Variants in SNAP25 observed in about 807,000 individuals in gnomAD.
SNAP25 encodes synaptosomal-associated protein 25.
SNAP25 carries 3 observed loss-of-function variants against 28.7 expected under a neutral mutation model. That is an observed-to-expected ratio of 0.10 (90% confidence interval 0.05 to 0.27). The LOEUF is 0.27. SNAP25 is among the 10% of genes least tolerant of loss of function. The pLI is 1.00. For missense variants in SNAP25, 117 were observed against 278.7 expected (o/e 0.42, Z 4.13); for synonymous variants, 61 against 88.1 (o/e 0.69, Z 1.72).
chr20:10,265,203 C>A (rs1376462375), intron 1 of SNAP25, among the ~76,000 whole-genome samples: 1 of 152,024 alleles, frequency 6.6e-6, no homozygotes, highest in East Asian at 1.9e-4. Context: ...CAGGAATATT[C>A]AAAAATACAA....
intron 1 of SNAP25, among the ~76,000 whole-genome samples, chr20:10,221,475 G>A (rs988423802): frequency 1.3e-5 from 2 of 152,088 alleles, no homozygotes; most frequent in African/African-American, 4.8e-5. Context: ...AAAATCCAGG[G>A]CAATGCGGTG....
At chr20:10,228,011 T>G (rs879467247) in intron 1 of SNAP25, among the ~76,000 whole-genome samples, 7 of 152,094 alleles carry the variant, frequency 4.6e-5, no homozygotes, top group Admixed American at 4.6e-4. Context: ...TCTCAAATAG[T>G]CAGTGTCCTC....
At chr20:10,255,191 A>G (rs1054356953) in intron 1 of SNAP25, among the ~76,000 whole-genome samples, 7 of 152,370 alleles carry the variant, frequency 4.6e-5, no homozygotes, top group South Asian at 2.1e-4. Flanking sequence ...CGGTTGTGAC[A>G]GCCAACCTGC....
chr20:10,220,450 T>C (rs2062608453), intron 1 of SNAP25, among the ~76,000 whole-genome samples: 1 of 152,228 alleles, frequency 6.6e-6, no homozygotes, highest in African/African-American at 2.4e-5. Flanking sequence ...TCCAAGTGTG[T>C]CCTTCAGGGT....
intron 1 of SNAP25, among the ~76,000 whole-genome samples, chr20:10,261,420 G>A (rs920694185): frequency 3.9e-5 from 6 of 152,104 alleles, no homozygotes; most frequent in Non-Finnish European, 7.3e-5. Context: ...CCTTGCCTAC[G>A]TTTGCACCCT....
Position 10,271,892 on chromosome 20 carries a change from T to C in SNAP25, c.-63-3537T>C, listed in dbSNP as rs893310567. Reference sequence around the variant, plus strand: ...TGAAAAGGAAAGGTCAATGGCTTGCTTAGGCCGAAGATACACATTTCCCCC... The same window carrying C: ...TGAAAAGGAAAGGTCAATGGCTTGCCTAGGCCGAAGATACACATTTCCCCC... On this transcript the variant is annotated intron_variant, in intron 1 of 7. Coordinates refer to ENST00000254976, the MANE Select transcript of SNAP25 (RefSeq NM_130811.4). Among the ~76,000 whole-genome samples the C allele has an allele frequency of 3.9e-5, 6 of 152,334 alleles. 1 individual carries two copies. The highest frequency in any genetic ancestry group is 3.3e-4 in the Admixed American group (5 of 15,302).
In SNAP25 at chr20:10,260,136, G is replaced by A. The variant is rs187991928; in HGVS notation, c.-63-15293G>A. 3.9e-3 allele frequency among the ~76,000 whole-genome samples: 592 copies of A among 152,156 alleles called. 5 individuals are homozygous for A. The highest frequency in any genetic ancestry group is 0.014 in the African/African-American group (566 of 41,516). ...ATGGTTTTATTCCTTAGAGTCTGTT[G>A]CAAATTTTCCTCTGCCAATTTGGTA... On this transcript the variant is annotated intron_variant, in intron 1 of 7. Transcript: ENST00000254976.
At chr20:10,237,820 G>A (rs1398104331) in intron 1 of SNAP25, among the ~76,000 whole-genome samples, 1 of 152,138 alleles carries the variant, frequency 6.6e-6, no homozygotes. Flanking sequence ...TAAAGCCCAA[G>A]CTCTATCCAC....
intron 3 of SNAP25, among the ~76,000 whole-genome samples, chr20:10,280,238 G>T (rs1222326493): frequency 6.6e-6 from 1 of 152,132 alleles, no homozygotes; most frequent in Non-Finnish European, 1.5e-5. Flanking sequence ...CGTGGTTAGG[G>T]GTGGGGCCTT....
intron 6 of SNAP25, among the ~76,000 whole-genome samples, chr20:10,297,523 C>T (rs1022745257): frequency 6.6e-6 from 1 of 152,118 alleles, no homozygotes; most frequent in African/African-American, 2.4e-5. Context: ...GAGGGGTGGG[C>T]AGGACTAATA....
intron 1 of SNAP25, among the ~76,000 whole-genome samples, chr20:10,251,622 A>G (rs550801745): frequency 1.6e-4 from 25 of 152,350 alleles, no homozygotes; most frequent in Non-Finnish European, 2.8e-4. Flanking sequence ...TCCTACCTCC[A>G]AAAAGGAACA....
chr20:10,234,593 A>G (rs1227005766), intron 1 of SNAP25, among the ~76,000 whole-genome samples: 1 of 152,224 alleles, frequency 6.6e-6, no homozygotes, highest in African/African-American at 2.4e-5. Flanking sequence ...CATTGCTTAC[A>G]AAAGTTGTGC....
At chr20:10,303,657 G>A (rs1405040045) in intron 7 of SNAP25, among the ~76,000 whole-genome samples, 1 of 152,142 alleles carries the variant, frequency 6.6e-6, no homozygotes, top group Non-Finnish European at 1.5e-5. Context: ...CCAGGCTGTA[G>A]AAGGATAGAC....
rs559125235 is a variant in SNAP25 at position 10,254,031 on chromosome 20, G to A, written c.-63-21398G>A. 2.0e-5 allele frequency among the ~76,000 whole-genome samples: 3 copies of A among 152,306 alleles called. No individual in the cohort carries two copies. The South Asian group carries it at 6.2e-4, about 32-fold the overall frequency. ...GGCTGCTTCCTAGTTCTGGGGCATT[G>A]CTCAGCCTGAGCTACAAGATTTATC... On this transcript the variant is annotated intron_variant, in intron 1 of 7. Coordinates refer to ENST00000254976, the MANE Select transcript of SNAP25 (RefSeq NM_130811.4).
intron 1 of SNAP25, among the ~76,000 whole-genome samples, chr20:10,272,873 A>G (rs1022022272): frequency 1.3e-5 from 2 of 152,206 alleles, no homozygotes; most frequent in African/African-American, 2.4e-5. Flanking sequence ...CCCGGCAATC[A>G]CTGGGTAGAG....
intron 4 of SNAP25, 108 bp downstream of exon 4, chr20:10,284,880 C>A: frequency 7.3e-6 from 6 of 825,658 alleles, no homozygotes; most frequent in South Asian, 1.5e-5. Flanking sequence ...TACACATGTA[C>A]ACGAATGTGA....
At chr20:10,276,122 C>T (rs2063686929) in intron 2 of SNAP25, among the ~76,000 whole-genome samples, 1 of 152,078 alleles carries the variant, frequency 6.6e-6, no homozygotes, top group Admixed American at 6.5e-5. Flanking sequence ...TGTGTCTTTC[C>T]AACTTCATGA....
chr20:10,266,654 G>T (rs1448424197), intron 1 of SNAP25, among the ~76,000 whole-genome samples: 1 of 152,158 alleles, frequency 6.6e-6, no homozygotes, highest in Admixed American at 6.5e-5. Context: ...TAACATAGTA[G>T]AACAGGGTTA....
At chr20:10,246,035 T>C (rs1272361065) in intron 1 of SNAP25, among the ~76,000 whole-genome samples, 4 of 152,314 alleles carry the variant, frequency 2.6e-5, no homozygotes, top group Middle Eastern at 3.4e-3. Flanking sequence ...TCCTCAAGCA[T>C]TGACATTATT....
Sources: gnomAD v4.1 joint callset for allele counts (sites outside exome capture counted in the v4.1 genomes callset) on GRCh38, gnomAD v4.1.1 for gene constraint, MANE v1.5 for transcripts, NCBI Gene and HGNC (gene_info 2026-07-23, HGNC 2026-07-21) for gene names.